Variants in FOXRED1 observed in about 807,000 individuals in gnomAD.
The protein encoded by FOXRED1 is FAD-dependent oxidoreductase domain-containing protein 1.
A neutral mutation model predicts 57.8 loss-of-function variants in FOXRED1; 52 were observed. That is an observed-to-expected ratio of 0.90 (90% CI 0.72 to 1.13). The LOEUF (loss-of-function observed/expected upper bound fraction) is 1.13. Ranked by LOEUF, FOXRED1 falls within the 50% of genes most tolerant of loss-of-function variation. The pLI is 0.00. For synonymous variants in FOXRED1, 271 were observed against 248.3 expected, an observed-to-expected ratio of 1.09 and a Z score of -0.86; for missense variants, 589 against 625.2, an observed-to-expected ratio of 0.94 and a Z score of 0.62.
chr11:126,274,662 G>T lies in FOXRED1; in HGVS notation c.537-265G>T. On this transcript the variant is annotated intron_variant, in intron 4 of 10. Coordinates refer to ENST00000263578, the MANE Select transcript of FOXRED1 (RefSeq NM_017547.4). This position sits in a 1 kb window ranked among gnomAD's most constrained non-coding sequence, Gnocchi z 4.8. The stretch of plus-strand genomic sequence containing the variant: ...GACTCATTGAAAAAAAAAAAAAGAA[G>T]TCATGGAATAGACTGGGATAGCAGG... 2 of 448,318 alleles carry T rather than the reference G, an allele frequency of 4.5e-6. No individual in the cohort carries two copies. The highest frequency in any genetic ancestry group is 4.6e-5 in the East Asian group (1 of 21,732). 27.8% of individuals were successfully genotyped at this position (448,318 alleles called of 1,614,324 possible). A position where few individuals can be genotyped will look rare whatever the true frequency, so the allele number is the denominator to read the frequency against.
rs547434222 is a variant in FOXRED1, at chr11:126,277,793, C to T, written c.*104C>T. ...CAGTACTGTGCCAGGCCTTCTCCCCCTCCCCAGTGTCCTCTCCTCTCAGGC... is the reference window on the plus strand; with the variant it reads ...CAGTACTGTGCCAGGCCTTCTCCCCTTCCCCAGTGTCCTCTCCTCTCAGGC... On this transcript the variant is annotated 3_prime_UTR_variant, in exon 11 of 11. Transcript: ENST00000263578. This position sits in a 1 kb window ranked among gnomAD's most constrained non-coding sequence, Gnocchi z 6.8. The T allele has an allele frequency of 1.6e-6, 2 of 1,280,204 alleles. No individual in the cohort carries two copies. The highest frequency in any genetic ancestry group is 1.2e-5 in the South Asian group (1 of 83,710). The allele number at this position is 1,280,204 out of a possible 1,614,324, so 79.3% of individuals were successfully genotyped here.
chr11:126,276,020 G>T (rs1043289472), intron 7 of FOXRED1, 39 bp from the exon 8 acceptor site: 39 of 1,612,284 alleles, frequency 2.4e-5, no homozygotes, highest in Non-Finnish European at 3.2e-5. Context: ...CTGGTGTGTG[G>T]TCCGGGCCTT....
At position 126,273,464 on chromosome 11, in the gene FOXRED1, T is replaced by C. The variant is rs761101658; in HGVS notation, c.536+10T>C. 3 of 1,559,052 alleles carry C rather than the reference T, an allele frequency of 1.9e-6. No individual in the cohort carries two copies. Among genetic ancestry groups the C allele is most frequent in the Non-Finnish European group, 1.8e-6 (2 of 1,130,226 alleles). ...ACGTGAAAGTGCAGAGGTGGGTGCC[T>C]GGCACAGCCTCTTAGCTGCTTGGCA... is the stretch of plus-strand genomic sequence containing the variant. On this transcript the variant is annotated intron_variant, in intron 4 of 10. Transcript: ENST00000263578. This position sits in a 1 kb window ranked among gnomAD's most constrained non-coding sequence, Gnocchi z 5.9.
Position 126,276,490 on chromosome 11 carries a change from T to C in FOXRED1, c.1068T>C (p.Gly356=). The change falls in exon 9 of 11, where the codon GGT becomes GGC. Residue 356 remains glycine, a synonymous_variant. Coordinates refer to ENST00000263578, the MANE Select transcript of FOXRED1 (RefSeq NM_017547.4). ...SGAYFRREGL[G]SNYLGGRSPT... ...CCTATTTTCGCCGGGAAGGATTAGG[T>C]AGCAACTACCTAGGTGGTCGTAGCC... The C allele has an allele frequency of 6.2e-7, 1 of 1,608,502 alleles. No homozygotes were observed. The highest frequency in any genetic ancestry group is 8.5e-7 in the Non-Finnish European group (1 of 1,177,476).
Position 126,277,535 on chromosome 11 carries a change from G to A in FOXRED1, c.1307G>A (p.Gly436Asp), listed in dbSNP as rs863224020. The change falls in exon 11 of 11, where the codon GGC becomes GAC. Residue 436 changes from glycine (G) to aspartate (D), a missense_variant. By Grantham distance (94) the Gly-to-Asp change is moderately conservative. Coordinates refer to ENST00000263578, the MANE Select transcript of FOXRED1 (RefSeq NM_017547.4). This position sits in a 1 kb window ranked among gnomAD's most constrained non-coding sequence, Gnocchi z 6.8. ...GTTGTCAACATGTACTTTGCTACTG[G>A]CTTCAGTGGTCACGGGCTCCAGCAG... ...PLVVNMYFAT[G>D]FSGHGLQQAP... The A allele has an allele frequency of 6.2e-7, 1 of 1,613,618 alleles. No individual in the cohort carries two copies. The highest frequency in any genetic ancestry group is 8.5e-7 in the Non-Finnish European group (1 of 1,180,024).
chr11:126,277,863 C>T lies in FOXRED1; in HGVS notation c.*174C>T, dbSNP rs766381241. 5 of 738,874 alleles carry T rather than the reference C, an allele frequency of 6.8e-6. No individual in the cohort carries two copies. Among genetic ancestry groups the T allele is most frequent in the South Asian group, 4.4e-5 (3 of 68,924 alleles). 45.8% of individuals were successfully genotyped at this position (738,874 alleles called of 1,614,324 possible). ...GCTGGGCAGGCACAGGCAGTGAGGC[C>T]GAGGCCAATAGCGAGTGATGAGCGG... On this transcript the variant is annotated 3_prime_UTR_variant, in exon 11 of 11. Coordinates refer to ENST00000263578, the MANE Select transcript of FOXRED1 (RefSeq NM_017547.4). The surrounding 1 kb of genome is among the most constrained non-coding windows in gnomAD (Gnocchi z 6.8).
Position 126,271,930 on chromosome 11 carries a change from A to G in FOXRED1, c.306+273A>G. On this transcript the variant is annotated intron_variant, in intron 2 of 10. Coordinates refer to ENST00000263578, the MANE Select transcript of FOXRED1 (RefSeq NM_017547.4). The surrounding 1 kb of genome is among the most constrained non-coding windows in gnomAD (Gnocchi z 5.3). ...CATAGCTCTGGTCATGAGAGCCTGC[A>G]TTCAAGCTATAATTAAGTGTCTCAA... 1 of 441,936 alleles carries G rather than the reference A, an allele frequency of 2.3e-6. No individual in the cohort carries two copies. Among genetic ancestry groups the G allele is most frequent in the East Asian group, 4.5e-5 (1 of 22,200 alleles). The allele number at this position is 441,936 out of a possible 1,614,324, so 27.4% of individuals were successfully genotyped here.
chr11:126,277,740 C>T lies in FOXRED1; in HGVS notation c.*51C>T, dbSNP rs984525144. ...CTGGCTTGCATCCTGGCTGTGTTCACAGCCTTGTTTGCTGCTTCCATCTTC... is the reference window on the plus strand; with the variant it reads ...CTGGCTTGCATCCTGGCTGTGTTCATAGCCTTGTTTGCTGCTTCCATCTTC... On this transcript the variant is annotated 3_prime_UTR_variant, in exon 11 of 11. Coordinates refer to ENST00000263578, the MANE Select transcript of FOXRED1 (RefSeq NM_017547.4). The surrounding 1 kb of genome is among the most constrained non-coding windows in gnomAD (Gnocchi z 6.8). The T allele has an allele frequency of 1.3e-6, 2 of 1,599,264 alleles. No individual in the cohort carries two copies. The highest frequency in any genetic ancestry group is 1.7e-5 in the Admixed American group (1 of 60,010).
intron 9 of FOXRED1, 83 bp downstream of exon 9, chr11:126,276,606 T>C (rs1591364948): frequency 1.4e-6 from 2 of 1,468,162 alleles, no homozygotes; most frequent in South Asian, 1.1e-5. Flanking sequence ...CCAGGCACAG[T>C]AGCTCATGCC....
In FOXRED1 at chr11:126,274,864, ACAT is replaced by A; in HGVS notation, c.537-58_537-56del. 1 of 957,406 alleles carries A rather than the reference ACAT, an allele frequency of 1.0e-6. No homozygotes were observed. Among genetic ancestry groups the A allele is most frequent in the Non-Finnish European group, 1.7e-6 (1 of 579,938 alleles). 59.3% of individuals were successfully genotyped at this position (957,406 alleles called of 1,614,324 possible). A position where few individuals can be genotyped will look rare whatever the true frequency, so the allele number is the denominator to read the frequency against. On this transcript the variant is annotated intron_variant, in intron 4 of 10. Coordinates refer to ENST00000263578, the MANE Select transcript of FOXRED1 (RefSeq NM_017547.4). The surrounding 1 kb of genome is among the most constrained non-coding windows in gnomAD (Gnocchi z 4.8). ...CCCCACTTGTGGAGTTGGGGTCCAT[ACAT>A]CATCCCCCTGCACACTCCCCTCTCT...
rs377464580 is a variant in FOXRED1, at chr11:126,276,474, G to A, written c.1052G>A (p.Arg351His). 5.8e-5 allele frequency: 94 copies of A among 1,608,548 alleles called. 1 individual carries two copies. The highest frequency in any genetic ancestry group is 7.5e-5 in the Non-Finnish European group (88 of 1,177,622). The change falls in exon 9 of 11, where the codon CGC becomes CAC. Residue 351 changes from arginine to histidine, a missense_variant. By Grantham distance (29) the Arg-to-His change is conservative (BLOSUM62 0). Coordinates refer to ENST00000263578, the MANE Select transcript of FOXRED1 (RefSeq NM_017547.4). The stretch of plus-strand genomic sequence containing the variant: ...GCAGACACCAGTGGAGCCTATTTTC[G>A]CCGGGAAGGATTAGGTAGCAACTAC... Reference protein sequence around the residue: ...LVADTSGAYFRREGLGSNYLG... With the variant: ...LVADTSGAYFHREGLGSNYLG...
rs1262379650 is a variant in FOXRED1, at chr11:126,277,315, TC to T, written c.1207-117del. On this transcript the variant is annotated intron_variant, in intron 10 of 10. Coordinates refer to ENST00000263578, the MANE Select transcript of FOXRED1 (RefSeq NM_017547.4). This position sits in a 1 kb window ranked among gnomAD's most constrained non-coding sequence, Gnocchi z 6.8. The stretch of plus-strand genomic sequence containing the variant: ...ACTGCTAAGGAATTTCTTGGACACA[TC>T]CCATCCCATAGACCCCTCAGCAGCA... 1 of 1,337,760 alleles carries T rather than the reference TC, an allele frequency of 7.5e-7. No homozygotes were observed. The highest frequency in any genetic ancestry group is 1.1e-6 in the Non-Finnish European group (1 of 930,972). The allele number at this position is 1,337,760 out of a possible 1,614,324, so 82.9% of individuals were successfully genotyped here.
At position 126,274,708 on chromosome 11, in the gene FOXRED1, A is replaced by G; in HGVS notation, c.537-219A>G. 1 of 594,038 alleles carries G rather than the reference A, an allele frequency of 1.7e-6. No individual in the cohort carries two copies. The highest frequency in any genetic ancestry group is 2.5e-5 in the Admixed American group (1 of 40,350). The allele number at this position is 594,038 out of a possible 1,614,324, so 36.8% of individuals were successfully genotyped here. ...GCAGGGAGCTCTGTGTGCTGAAGGG[A>G]GACAAGGGAGTAGGGAAGGAAAGGC... On this transcript the variant is annotated intron_variant, in intron 4 of 10. Coordinates refer to ENST00000263578, the MANE Select transcript of FOXRED1 (RefSeq NM_017547.4). The surrounding 1 kb of genome is among the most constrained non-coding windows in gnomAD (Gnocchi z 4.8).
Position 126,273,589 on chromosome 11 carries a change from A to G in FOXRED1, c.536+135A>G, listed in dbSNP as rs1354340363. On this transcript the variant is annotated intron_variant, in intron 4 of 10. Transcript: ENST00000263578. This position sits in a 1 kb window ranked among gnomAD's most constrained non-coding sequence, Gnocchi z 5.9. ...TCTAGGACCTCAGTGTGTCAGGAAG[A>G]AAATACACAGACCTGCAATGCCCTG... 3 of 723,090 alleles carry G rather than the reference A, an allele frequency of 4.1e-6. No individual in the cohort carries two copies. The highest frequency in any genetic ancestry group is 1.4e-5 in the South Asian group (1 of 70,246). 44.8% of individuals were successfully genotyped at this position (723,090 alleles called of 1,614,324 possible).
At position 126,271,904 on chromosome 11, in the gene FOXRED1, T is replaced by G; in HGVS notation, c.306+247T>G. The G allele has an allele frequency of 2.0e-6, 1 of 497,494 alleles. No homozygotes were observed. The highest frequency in any genetic ancestry group is 2.0e-5 in the South Asian group (1 of 49,096). 30.8% of individuals were successfully genotyped at this position (497,494 alleles called of 1,614,324 possible). ...TCACCATATTGGATTTTTCGAGATC[T>G]CATAGCTCTGGTCATGAGAGCCTGC... On this transcript the variant is annotated intron_variant, in intron 2 of 10. Coordinates refer to ENST00000263578, the MANE Select transcript of FOXRED1 (RefSeq NM_017547.4). The surrounding 1 kb of genome is among the most constrained non-coding windows in gnomAD (Gnocchi z 5.3).
chr11:126,275,214 A>T lies in FOXRED1; in HGVS notation c.632-113A>T. ...TTTGTCTCTGTGGTTCAGTTGGTTA[A>T]GATGACCTTCCCCGGCTTACAAGCC... On this transcript the variant is annotated intron_variant, in intron 5 of 10. Coordinates refer to ENST00000263578, the MANE Select transcript of FOXRED1 (RefSeq NM_017547.4). The surrounding 1 kb of genome is among the most constrained non-coding windows in gnomAD (Gnocchi z 5.9). 1.1e-6 allele frequency: 1 copy of T among 908,674 alleles called. No individual in the cohort carries two copies. Among genetic ancestry groups the T allele is most frequent in the Non-Finnish European group, 1.8e-6 (1 of 551,440 alleles). The allele number at this position is 908,674 out of a possible 1,614,324, so 56.3% of individuals were successfully genotyped here.
intron 9 of FOXRED1, 37 bp downstream of exon 9, chr11:126,276,560 CAT>C: frequency 1.3e-6 from 2 of 1,593,262 alleles, no homozygotes; most frequent in South Asian, 1.1e-5. Context: ...GGCAAGGAGA[CAT>C]AGAATAATTG....
In FOXRED1 at chr11:126,271,348, T is replaced by G. The variant is rs1950980004; in HGVS notation, c.86-89T>G. 2.1e-6 allele frequency: 2 copies of G among 937,202 alleles called. No individual in the cohort carries two copies. The highest frequency in any genetic ancestry group is 3.2e-5 in the African/African-American group (2 of 62,176). 58.1% of individuals were successfully genotyped at this position (937,202 alleles called of 1,614,324 possible). A position where few individuals can be genotyped will look rare whatever the true frequency, so the allele number is the denominator to read the frequency against. On this transcript the variant is annotated intron_variant, in intron 1 of 10. Transcript: ENST00000263578. The surrounding 1 kb of genome is among the most constrained non-coding windows in gnomAD (Gnocchi z 5.3). Reference sequence around the variant, plus strand: ...GGGACTGCCAACTCATGTGTCTGTTTAGCTCACCTTTTCCTGTGCCCATCC... The same window carrying G: ...GGGACTGCCAACTCATGTGTCTGTTGAGCTCACCTTTTCCTGTGCCCATCC...
In FOXRED1 at chr11:126,275,218, GA is replaced by G. The variant is rs934718112; in HGVS notation, c.632-108del. On this transcript the variant is annotated intron_variant, in intron 5 of 10. Transcript: ENST00000263578. The surrounding 1 kb of genome is among the most constrained non-coding windows in gnomAD (Gnocchi z 5.9). Reference sequence around the variant, plus strand: ...TCTCTGTGGTTCAGTTGGTTAAGATGACCTTCCCCGGCTTACAAGCCCTAGA... The same window carrying G: ...TCTCTGTGGTTCAGTTGGTTAAGATGCCTTCCCCGGCTTACAAGCCCTAGA... 6 of 920,656 alleles carry G rather than the reference GA, an allele frequency of 6.5e-6. No individual in the cohort carries two copies. Among genetic ancestry groups the G allele is most frequent in the African/African-American group, 6.5e-5 (4 of 61,628 alleles). The allele number at this position is 920,656 out of a possible 1,614,324, so 57.0% of individuals were successfully genotyped here. A position where few individuals can be genotyped will look rare whatever the true frequency, so the allele number is the denominator to read the frequency against.
Sources: allele counts gnomAD v4.1 joint callset, GRCh38; gene constraint gnomAD v4.1.1; non-coding constraint Gnocchi (gnomAD v3.1); transcripts MANE v1.5; gene names NCBI Gene and HGNC (gene_info 2026-07-23, HGNC 2026-07-21).